The following SERF2 variants were observed in gnomAD, a reference collection of about 807,000 sequenced individuals.
SERF2 encodes the protein gastric cancer-related protein VRG107.
Under a neutral mutation model 10.7 loss-of-function variants are expected in SERF2, and 4 were observed. That is an observed-to-expected ratio of 0.37 (90% CI 0.18 to 0.86). The LOEUF (loss-of-function observed/expected upper bound fraction) is 0.86, where lower values mean the gene tolerates loss of function less well. Ranked by LOEUF, SERF2 falls within the 40% of genes least tolerant of loss-of-function variation. SERF2 has a pLI of 0.43. For missense variants in SERF2, 47 were observed against 79.1 expected (o/e 0.59, Z 1.54); for synonymous variants, 26 against 26.0 (o/e 1.00, Z 0.01).
In SERF2 at chr15:43,795,388, C is replaced by G; in HGVS notation, c.*1615C>G. 1 of 1,614,146 alleles carries G rather than the reference C, an allele frequency of 6.2e-7. No individual in the cohort carries two copies. The highest frequency in any genetic ancestry group is 1.1e-5 in the South Asian group (1 of 91,068). ...GTATCTAAGGCCCACTCCATCTTAC[C>G]TGAACCAGTTGGTAAGGGTAACCAT... On this transcript the variant is annotated 3_prime_UTR_variant, in exon 3 of 3. Coordinates refer to ENST00000249786, the MANE Select transcript of SERF2 (RefSeq NM_001018108.4).
upstream of SERF2, among the ~76,000 whole-genome samples, chr15:43,787,367 T>C (rs2087016545): frequency 6.6e-6 from 1 of 152,148 alleles, no homozygotes; most frequent in African/African-American, 2.4e-5. Flanking sequence ...AGCCATTCAG[T>C]ACCACTCTTG....
In SERF2 at chr15:43,782,703, C is replaced by G. The variant is rs531712767; in HGVS notation, c.-526-2707C>G. Among the ~76,000 whole-genome samples the G allele has an allele frequency of 7.9e-5, 12 of 152,252 alleles. No individual in the cohort carries two copies. In the East Asian group the frequency reaches 2.3e-3, roughly 29 times the overall value. On this transcript the variant is annotated intron_variant, in intron 1 of 4. Coordinates refer to the SERF2 transcript ENST00000381359. ...CCTCCTGTGTCAGATACACTTTTTC[C>G]TGGATCCTGTAACTTTTTTCTTGGC...
At chr15:43,784,076 C>G (rs893408136) in intron 1 of SERF2, among the ~76,000 whole-genome samples, 2 of 151,752 alleles carry the variant, frequency 1.3e-5, no homozygotes, top group African/African-American at 4.8e-5. Context: ...AGCCACCGCA[C>G]CTGGCCACAT....
At chr15:43,786,850 G>A (rs892644698) in intron 2 of SERF2, among the ~76,000 whole-genome samples, 1 of 152,104 alleles carries the variant, frequency 6.6e-6, no homozygotes, top group East Asian at 1.9e-4. Context: ...TCATGTCAAC[G>A]GGAAACAGCA....
chr15:43,791,021 G>T (rs900989297), upstream of SERF2, among the ~76,000 whole-genome samples: 1 of 151,074 alleles, frequency 6.6e-6, no homozygotes, highest in Non-Finnish European at 1.5e-5. Flanking sequence ...ACCCGCCTCT[G>T]CCTCCCAAAG....
chr15:43,792,359 G>A lies in SERF2; in HGVS notation c.-18G>A. ...CGAGGGGACGTAACGGAGGCAGGTT[G>A]GAGCCGCTGCCGTCGCCATGACCCG... On this transcript the variant is annotated 5_prime_UTR_variant, in exon 1 of 3. Transcript: ENST00000249786. The A allele has an allele frequency of 1.2e-6, 2 of 1,600,596 alleles. No individual in the cohort carries two copies. The highest frequency in any genetic ancestry group is 1.1e-5 in the South Asian group (1 of 90,838).
chr15:43,779,250 T>C (rs905283166), intron 1 of SERF2, among the ~76,000 whole-genome samples: 2 of 152,142 alleles, frequency 1.3e-5, no homozygotes, highest in African/African-American at 4.8e-5. Context: ...CTTCCATTTT[T>C]CTCAGTGAAG....
At chr15:43,782,035 C>A (rs893243591) in intron 1 of SERF2, among the ~76,000 whole-genome samples, 1 of 151,904 alleles carries the variant, frequency 6.6e-6, no homozygotes, top group African/African-American at 2.4e-5. Flanking sequence ...ATTACAGGCA[C>A]ATGCCACTGT....
Position 43,794,233 on chromosome 15 carries a change from A to G in SERF2, c.*460A>G, listed in dbSNP as rs987541280. The G allele has an allele frequency of 4.4e-6, 2 of 456,964 alleles. No individual in the cohort carries two copies. The highest frequency in any genetic ancestry group is 3.9e-6 in the Non-Finnish European group (1 of 257,010). The allele number at this position is 456,964 out of a possible 1,614,324, so 28.3% of individuals were successfully genotyped here. On this transcript the variant is annotated 3_prime_UTR_variant, in exon 3 of 3. Transcript: ENST00000249786. ...AACAAGTACTCCGGATATGCAGTAG[A>G]GGAATCCTCTAAGAACCATAGAGAC...
At chr15:43,792,522 C>A in intron 1 of SERF2, 139 bp downstream of exon 1, 1 of 1,536,308 alleles carries the variant, frequency 6.5e-7, no homozygotes, top group South Asian at 1.2e-5. Context: ...CCCTCACACT[C>A]GGTGCCCGGA....
intron 1 of SERF2, among the ~76,000 whole-genome samples, chr15:43,781,420 T>A (rs188302470): frequency 6.6e-6 from 1 of 151,988 alleles, no homozygotes; most frequent in East Asian, 2.0e-4. Context: ...CTGGGAGCGG[T>A]GACTAATTTT....
In SERF2 at chr15:43,792,395, G is replaced by T. The variant is rs374209587; in HGVS notation, c.7+12G>T. The T allele has an allele frequency of 1.9e-6, 3 of 1,613,878 alleles. No individual in the cohort carries two copies. The highest frequency in any genetic ancestry group is 2.2e-5 in the South Asian group (2 of 91,070). ...CGTCGCCATGACCCGTGAGCACCGA[G>T]CCCCCTTCTCCTTGCCCTTTTCTTT... On this transcript the variant is annotated intron_variant, in intron 1 of 2. Transcript: ENST00000249786.
chr15:43,791,319 G>T (rs2087058230), upstream of SERF2, among the ~76,000 whole-genome samples: 1 of 151,694 alleles, frequency 6.6e-6, no homozygotes, highest in Non-Finnish European at 1.5e-5. Flanking sequence ...TCGGCTCACT[G>T]CAACTTCCGC....
At position 43,794,677 on chromosome 15, in the gene SERF2, C is replaced by A. The variant is rs2087160191; in HGVS notation, c.*904C>A. On this transcript the variant is annotated 3_prime_UTR_variant, in exon 3 of 3. Coordinates refer to ENST00000249786, the MANE Select transcript of SERF2 (RefSeq NM_001018108.4). ...AGTCTTCAGTCCCTGTTGGTCTTTCCCCACCCCCACTTCCAGCCCAAGAGC... is the reference window on the plus strand; with the variant it reads ...AGTCTTCAGTCCCTGTTGGTCTTTCACCACCCCCACTTCCAGCCCAAGAGC... The A allele has an allele frequency of 7.3e-6, 2 of 273,768 alleles. No homozygotes were observed. 17.0% of individuals were successfully genotyped at this position (273,768 alleles called of 1,614,324 possible).
chr15:43,790,502 A>G (rs2087046504), upstream of SERF2, among the ~76,000 whole-genome samples: 1 of 151,938 alleles, frequency 6.6e-6, no homozygotes, highest in Non-Finnish European at 1.5e-5. Context: ...CGTGGCTCAC[A>G]CCTGTAATCC....
chr15:43,792,576 C>T (rs1292741898), intron 1 of SERF2, 193 bp downstream of exon 1: 2 of 1,468,024 alleles, frequency 1.4e-6, no homozygotes, highest in Non-Finnish European at 1.8e-6. Context: ...ACCACCCTCC[C>T]GGGTTAGGCA....
At chr15:43,792,313 G>A, upstream of SERF2, 3 of 1,380,846 alleles carry the variant, frequency 2.2e-6, no homozygotes, top group Admixed American at 3.3e-5. Context: ...GAAGGGGCGG[G>A]ACCTGCAACG....
upstream of SERF2, among the ~76,000 whole-genome samples, chr15:43,789,620 G>A (rs1008979941): frequency 2.6e-5 from 4 of 152,044 alleles, no homozygotes; most frequent in African/African-American, 9.7e-5. Context: ...TGTTTTTATG[G>A]GTCAGTGCTT....
At chr15:43,792,496 G>T in intron 1 of SERF2, 113 bp downstream of exon 1, 1 of 1,589,776 alleles carries the variant, frequency 6.3e-7, no homozygotes, top group Non-Finnish European at 8.6e-7. Context: ...GTTTCTCTGG[G>T]CGCGCTCTGT....
Sources: allele counts gnomAD v4.1 joint callset (sites outside exome capture counted in the v4.1 genomes callset), GRCh38; gene constraint gnomAD v4.1.1; transcripts MANE v1.5; gene names NCBI Gene and HGNC (gene_info 2026-07-23, HGNC 2026-07-21).